PTCH1: variants seen among roughly 807,000 people sequenced by gnomAD.
The protein encoded by PTCH1 is patched 1, also known as protein patched homolog 1.
A neutral mutation model predicts 144.6 loss-of-function variants in PTCH1; 14 were observed. The observed-to-expected ratio is 0.10, with a 90% CI of 0.06 to 0.15. The LOEUF is 0.15. Among genes scored for constraint, PTCH1 ranks in the 10% least tolerant of loss-of-function variants. The pLI is 1.00. For missense variants in PTCH1, 1,623 were observed against 1,948.3 expected, an observed-to-expected ratio of 0.83 and a Z score of 3.14; for synonymous variants, 833 against 793.6, an observed-to-expected ratio of 1.05 and a Z score of -0.83.
At position 95,456,281 on chromosome 9, in the gene PTCH1, C is replaced by A. The variant is rs2136647219; in HGVS notation, c.3301G>T (p.Ala1101Ser). 1 of 1,613,822 alleles carries A rather than the reference C, an allele frequency of 6.2e-7. No individual in the cohort carries two copies. ...GIGVEFTVHV[A>S]LAFLTAIGDK... ...GCTTCAAATGTCTCCCATACCAAAG[C>A]AACGTGAACGGTGAACTCCACTCCT... is the stretch of plus-strand genomic sequence containing the variant. Residue 1101 changes from alanine to serine, a missense_variant, in exon 19 of 24, where the codon GCT becomes TCT. By Grantham distance (99) the Ala-to-Ser change is moderately conservative. Around this residue, in one of 7 missense-constraint regions of PTCH1, gnomAD observed 504 missense variants for 679.3 expected, o/e 0.74. Coordinates refer to ENST00000331920, the MANE Select transcript of PTCH1 (RefSeq NM_000264.5).
intron 16 of PTCH1, 81 bp from the exon 17 acceptor site, chr9:95,459,864 A>C: frequency 7.1e-7 from 1 of 1,412,840 alleles, no homozygotes; most frequent in Non-Finnish European, 9.9e-7. Flanking sequence ...ACAGAAGCTG[A>C]GCTTCGCACA....
At chr9:95,471,235 C>T (rs1014374753) in intron 12 of PTCH1, among the ~76,000 whole-genome samples, 3 of 152,204 alleles carry the variant, frequency 2.0e-5, no homozygotes, top group Non-Finnish European at 4.4e-5. Flanking sequence ...GGGAGAACTT[C>T]CACAAAGGGC....
chr9:95,504,121 C>T (rs1159623463), intron 2 of PTCH1, among the ~76,000 whole-genome samples: 3 of 145,792 alleles, frequency 2.1e-5, no homozygotes, highest in African/African-American at 7.5e-5. Flanking sequence ...TAACAAATGC[C>T]TGGTACATGG....
intron 1 of PTCH1, among the ~76,000 whole-genome samples, chr9:95,515,945 T>C (rs1157962946): frequency 2.6e-5 from 4 of 151,928 alleles, no homozygotes; most frequent in Non-Finnish European, 1.5e-5. Context: ...CGGCTGCGGC[T>C]GCTCCCGCGA....
rs751977093 is a variant in PTCH1, at chr9:95,508,247, GC to G, written c.114del (p.Leu39CysfsTer41). The G allele has an allele frequency of 6.2e-7, 1 of 1,604,546 alleles. No homozygotes were observed. Among genetic ancestry groups the G allele is most frequent in the South Asian group, 1.1e-5 (1 of 90,576 alleles). On this transcript the variant is annotated frameshift_variant, in exon 1 of 24. Coordinates refer to ENST00000331920, the MANE Select transcript of PTCH1 (RefSeq NM_000264.5). LOFTEE classifies it high-confidence loss of function. The stretch of plus-strand genomic sequence containing the variant: ...CGGTCCGGCGCGGCAGCACGGCGCA[GC>G]CCCCCCGTCCGTCTGCGCCTCCCGC... ...AGGGRRRRTGGLRRAAAPDRD... is the reference protein window; with the variant it reads ...AGGGRRRRTGXLRRAAAPDRD...
intron 2 of PTCH1, chr9:95,494,228 C>A: frequency 1.0e-6 from 1 of 985,644 alleles, no homozygotes; most frequent in Non-Finnish European, 1.2e-6. Flanking sequence ...CTTGCCCAGG[C>A]TGCTCCCTCT....
At chr9:95,459,492 A>T in intron 17 of PTCH1, 108 bp downstream of exon 17, 1 of 1,355,510 alleles carries the variant, frequency 7.4e-7, no homozygotes, top group South Asian at 1.2e-5. Context: ...TTCTGTTTAC[A>T]CTTCTGAACC....
At chr9:95,490,558 A>ACACACAC (rs1564069064) in intron 2 of PTCH1, among the ~76,000 whole-genome samples, 3 of 129,624 alleles carry the variant, frequency 2.3e-5, no homozygotes, top group South Asian at 2.3e-4. Context: ...CACACACACA[A>ACACACAC]AAGAAAGATA....
chr9:95,509,537 C>T (rs559902868), upstream of PTCH1, among the ~76,000 whole-genome samples: 2 of 152,342 alleles, frequency 1.3e-5, no homozygotes, highest in East Asian at 1.9e-4. Flanking sequence ...GCTCCCCCTC[C>T]TTTCTCTCTT....
At chr9:95,453,285 C>T (rs960631346) in intron 20 of PTCH1, 193 bp downstream of exon 20, 139 of 717,356 alleles carry the variant, frequency 1.9e-4, no homozygotes, top group Non-Finnish European at 2.7e-4. Context: ...GCACCCACCA[C>T]CACGCCCGGC....
At chr9:95,503,521 G>A (rs1033268427) in intron 2 of PTCH1, among the ~76,000 whole-genome samples, 1 of 152,148 alleles carries the variant, frequency 6.6e-6, no homozygotes, top group Non-Finnish European at 1.5e-5. Context: ...TGAAACTGTC[G>A]CTTCTTCTCT....
Position 95,467,323 on chromosome 9 carries a change from T to C in PTCH1, c.2353A>G (p.Thr785Ala). The change falls in exon 15 of 24, where the codon ACC (threonine) becomes GCC (alanine). Residue 785 changes from threonine (T) to alanine (A), a missense_variant. Physicochemically the swap from Thr to Ala is moderately conservative, Grantham distance 58. Coordinates refer to ENST00000331920, the MANE Select transcript of PTCH1 (RefSeq NM_000264.5). Reference protein sequence around the residue: ...LDLTDIVPRETREYDFIAAQF... With the variant: ...LDLTDIVPREAREYDFIAAQF... ...GCAGCAATAAAGTCATATTCTCTGG[T>C]TTCCCGAGGTACAATGTCCGTAAGG... 1 of 1,614,216 alleles carries C rather than the reference T, an allele frequency of 6.2e-7. No individual in the cohort carries two copies. The highest frequency in any genetic ancestry group is 1.3e-5 in the African/African-American group (1 of 75,070).
intron 12 of PTCH1, 108 bp downstream of exon 12, chr9:95,475,926 T>C: frequency 6.5e-7 from 1 of 1,537,962 alleles, no homozygotes; most frequent in Non-Finnish European, 8.9e-7. Flanking sequence ...GGCATTTCTA[T>C]TTCACTTCAT....
intron 20 of PTCH1, chr9:95,453,226 G>A (rs898322301): frequency 3.0e-5 from 14 of 464,402 alleles, no homozygotes; most frequent in African/African-American, 1.8e-4. Context: ...TCCGCCTCCC[G>A]GGTTCGAGCA....
rs1564005121 is a variant in PTCH1, at chr9:95,447,132, G to A, written c.4124C>T (p.Ala1375Val). The change falls in exon 23 of 24, where the codon GCC becomes GTC. Residue 1375 changes from alanine to valine, a missense_variant. Ala to Val is a moderately conservative substitution (Grantham distance 64). Coordinates refer to ENST00000331920, the MANE Select transcript of PTCH1 (RefSeq NM_000264.5). ...CQPITTVTAS[A>V]SVTVAVHPPP... ...CGGGTGCACGGCGACAGTCACGGAG[G>A]CAGAAGCCGTCACAGTGGTGATGGG... The A allele has an allele frequency of 6.2e-7, 1 of 1,613,218 alleles. No homozygotes were observed. The highest frequency in any genetic ancestry group is 8.5e-7 in the Non-Finnish European group (1 of 1,179,924).
intron 5 of PTCH1, among the ~76,000 whole-genome samples, chr9:95,481,646 G>GA (rs760420932): frequency 7.2e-5 from 11 of 152,094 alleles, no homozygotes; most frequent in Non-Finnish European, 1.5e-4. Context: ...TCGAAACTAC[G>GA]AACATTTTAA....
chr9:95,516,678 T>C lies in PTCH1; in HGVS notation c.-207A>G, dbSNP rs768888604. 6.3e-5 allele frequency: 101 copies of C among 1,607,958 alleles called. No individual in the cohort carries two copies. The highest frequency in any genetic ancestry group is 8.4e-5 in the Non-Finnish European group (99 of 1,177,608). On this transcript the variant is annotated 5_prime_UTR_variant, in exon 1 of 23. Transcript: ENST00000430669. Reference sequence around the variant, plus strand: ...GTCGTCTTTTTCTTCTCCTCCGTTTTCTTCTTCTTCTTCTCCTCCTCCTCC... The same window carrying C: ...GTCGTCTTTTTCTTCTCCTCCGTTTCCTTCTTCTTCTTCTCCTCCTCCTCC...
chr9:95,481,900 T>A (rs762929340), intron 5 of PTCH1, 49 bp downstream of exon 5: 2 of 1,452,698 alleles, frequency 1.4e-6, no homozygotes, highest in African/African-American at 2.8e-5. Context: ...TTAGAAACAC[T>A]GAGTCCTAGA....
In PTCH1 at chr9:95,480,567, C is replaced by A. The variant is rs2118427528; in HGVS notation, c.768G>T (p.Trp256Cys). The A allele has an allele frequency of 1.2e-6, 2 of 1,613,684 alleles. No homozygotes were observed. Among genetic ancestry groups the A allele is most frequent in the Non-Finnish European group, 1.7e-6 (2 of 1,179,892 alleles). ...GGAATTCCAAAGGGTCGAAGTTTGT[C>A]CACCGCAAAGGAGGTTTACCTCTGC... ...AYLLGKPPLR[W>C]TNFDPLEFLE... is the part of the protein sequence containing the mutation. The change falls in exon 6 of 24, where the codon TGG (tryptophan) becomes TGT (cysteine). Residue 256 changes from tryptophan (W) to cysteine (C), a missense_variant. Physicochemically the swap from Trp to Cys is radical, Grantham distance 215. This residue lies in a region of PTCH1 where 230 missense variants were observed against 271.0 expected (regional missense o/e 0.85). Coordinates refer to ENST00000331920, the MANE Select transcript of PTCH1 (RefSeq NM_000264.5).
Sources: gnomAD v4.1 joint callset for allele counts (sites outside exome capture counted in the v4.1 genomes callset) on GRCh38, gnomAD v4.1.1 for gene constraint, gnomAD v4.1.1 regional missense constraint, MANE v1.5 for transcripts, NCBI Gene and HGNC (gene_info 2026-07-23, HGNC 2026-07-21) for gene names.